The following CNTN5 variants were observed in gnomAD, a reference collection of about 807,000 sequenced individuals.
CNTN5 encodes the protein contactin-5.
Under a neutral mutation model 129.1 loss-of-function variants are expected in CNTN5, and 77 were observed. The observed-to-expected ratio is 0.60, with a 90% confidence interval of 0.50 to 0.72. The LOEUF is 0.72. CNTN5 is among the 30% of genes least tolerant of loss of function. The pLI is 0.00. For missense variants in CNTN5, 1,478 were observed against 1,328.8 expected (o/e 1.11, Z -1.75); for synonymous variants, 509 against 465.6 (o/e 1.09, Z -1.20).
intron 9 of CNTN5, among the ~76,000 whole-genome samples, chr11:100,047,897 C>T (rs1266017282): frequency 2.6e-5 from 4 of 152,110 alleles, no homozygotes; most frequent in African/African-American, 7.2e-5. Flanking sequence ...TTTGGGAGGC[C>T]GAGGCGGGCA....
chr11:99,100,973 T>G (rs1482791680), intron 1 of CNTN5, among the ~76,000 whole-genome samples: 1 of 152,174 alleles, frequency 6.6e-6, no homozygotes, highest in East Asian at 1.9e-4. Context: ...TTCACACTGC[T>G]GATAAAGGCA....
chr11:99,061,443 G>A (rs1005630785), intron 1 of CNTN5, among the ~76,000 whole-genome samples: 5 of 151,906 alleles, frequency 3.3e-5, no homozygotes, highest in African/African-American at 1.2e-4. Context: ...AAGTTTCTGG[G>A]GTGTGCCCTC....
intron 3 of CNTN5, among the ~76,000 whole-genome samples, chr11:99,667,894 C>T (rs1022204087): frequency 2.6e-5 from 4 of 151,902 alleles, no homozygotes; most frequent in African/African-American, 4.8e-5. Context: ...CCATGGCACC[C>T]ATATACCTAT....
intron 3 of CNTN5, among the ~76,000 whole-genome samples, chr11:99,617,790 G>A (rs1369562358): frequency 6.6e-6 from 1 of 152,030 alleles, no homozygotes; most frequent in Non-Finnish European, 1.5e-5. Context: ...AAATGAGTCG[G>A]TAAAATGAAT....
At chr11:99,081,431 T>A (rs1865793590) in intron 1 of CNTN5, among the ~76,000 whole-genome samples, 1 of 152,208 alleles carries the variant, frequency 6.6e-6, no homozygotes, top group Non-Finnish European at 1.5e-5. Context: ...CCTTTCTACA[T>A]TTTCCCAGGA....
intron 1 of CNTN5, among the ~76,000 whole-genome samples, chr11:99,247,716 GT>G: frequency 6.6e-6 from 1 of 151,994 alleles, no homozygotes; most frequent in South Asian, 2.1e-4. Flanking sequence ...GTGGTGTTTG[GT>G]TTTTTGTCCT....
At chr11:100,032,207 C>A (rs1317731104) in intron 9 of CNTN5, among the ~76,000 whole-genome samples, 1 of 152,146 alleles carries the variant, frequency 6.6e-6, no homozygotes, top group African/African-American at 2.4e-5. Flanking sequence ...CTGAGAGTAT[C>A]ACTATGACAG....
rs144200450 is a variant in CNTN5 at position 100,022,674 on chromosome 11, C to T, written c.980+20538C>T. 8.0e-3 allele frequency among the ~76,000 whole-genome samples: 1,221 copies of T among 152,194 alleles called. 8 individuals carry two copies. The highest frequency in any genetic ancestry group is 0.013 in the Non-Finnish European group (881 of 67,974). On this transcript the variant is annotated intron_variant, in intron 9 of 24. Transcript: ENST00000524871. Reference sequence around the variant, plus strand: ...GGTTTAATCTGGCGTTATTTTCTTTCGGCCTGTTCCTCCAACATAATTGTA... The same window carrying T: ...GGTTTAATCTGGCGTTATTTTCTTTTGGCCTGTTCCTCCAACATAATTGTA...
At chr11:99,499,511 C>T (rs1946349581) in intron 2 of CNTN5, among the ~76,000 whole-genome samples, 1 of 152,084 alleles carries the variant, frequency 6.6e-6, no homozygotes, top group South Asian at 2.1e-4. Flanking sequence ...TGGTCTTGTG[C>T]GTCCCGGCCT....
At chr11:99,941,001 G>C (rs534784931) in intron 7 of CNTN5, among the ~76,000 whole-genome samples, 5 of 152,048 alleles carry the variant, frequency 3.3e-5, no homozygotes, top group Non-Finnish European at 7.4e-5. Context: ...TTTGAAAAAG[G>C]TAGGGAAAAA....
rs185440434 is a variant in CNTN5, at chr11:100,059,201, C to T, written c.981-2011C>T. Reference sequence around the variant, plus strand: ...TTATTTAATGATGCTGAAATAATCACTTACATTCCCTATGTCACATCAATA... The same window carrying T: ...TTATTTAATGATGCTGAAATAATCATTTACATTCCCTATGTCACATCAATA... On this transcript the variant is annotated intron_variant, in intron 9 of 24. Coordinates refer to ENST00000524871, the MANE Select transcript of CNTN5 (RefSeq NM_014361.4). Among the ~76,000 whole-genome samples the T allele has an allele frequency of 6.3e-4, 96 of 152,242 alleles. 2 individuals are homozygous for T. Among genetic ancestry groups the T allele is most frequent in the Admixed American group, 3.9e-3 (59 of 15,274 alleles).
At chr11:99,481,387 G>C (rs940546478) in intron 2 of CNTN5, among the ~76,000 whole-genome samples, 6 of 151,970 alleles carry the variant, frequency 3.9e-5, no homozygotes, top group Non-Finnish European at 7.4e-5. Flanking sequence ...TATTTTCTGA[G>C]CCTCTAATAA....
At chr11:99,557,813 G>T (rs1346632864) in intron 3 of CNTN5, among the ~76,000 whole-genome samples, 1 of 151,566 alleles carries the variant, frequency 6.6e-6, no homozygotes, top group African/African-American at 2.4e-5. Flanking sequence ...AATAAATTTA[G>T]TATTTCAGTT....
At chr11:99,791,344 T>C (rs1018273903) in intron 3 of CNTN5, among the ~76,000 whole-genome samples, 2 of 152,126 alleles carry the variant, frequency 1.3e-5, no homozygotes, top group African/African-American at 4.8e-5. Flanking sequence ...AGGGGTCCAG[T>C]TTTGACCTTC....
At chr11:99,480,799 A>G (rs1410877061) in intron 2 of CNTN5, among the ~76,000 whole-genome samples, 1 of 152,102 alleles carries the variant, frequency 6.6e-6, no homozygotes, top group African/African-American at 2.4e-5. Context: ...GCCATGAGGT[A>G]TTTCTGTGGC....
intron 1 of CNTN5, among the ~76,000 whole-genome samples, chr11:99,024,341 TTGAA>T (rs1282082909): frequency 6.6e-6 from 1 of 152,098 alleles, no homozygotes; most frequent in Non-Finnish European, 1.5e-5. Context: ...TTTATTTAAA[TTGAA>T]TGACACAAAA....
intron 1 of CNTN5, among the ~76,000 whole-genome samples, chr11:99,096,251 A>G (rs1050846610): frequency 6.6e-6 from 1 of 151,904 alleles, no homozygotes; most frequent in African/African-American, 2.4e-5. Context: ...AAAATGCCTA[A>G]TTTAGGATAA....
At chr11:100,169,833 T>C (rs1346289052) in intron 13 of CNTN5, among the ~76,000 whole-genome samples, 1 of 152,014 alleles carries the variant, frequency 6.6e-6, no homozygotes, top group Non-Finnish European at 1.5e-5. Context: ...CAAATGTCTA[T>C]GCTCATATCT....
chr11:100,102,641 A>C (rs892300372), intron 13 of CNTN5, among the ~76,000 whole-genome samples: 1 of 152,118 alleles, frequency 6.6e-6, no homozygotes, highest in Non-Finnish European at 1.5e-5. Flanking sequence ...AGAATTTGTT[A>C]AGAATCTGAT....
Sources: allele counts gnomAD v4.1 joint callset (sites outside exome capture counted in the v4.1 genomes callset), GRCh38; gene constraint gnomAD v4.1.1; transcripts MANE v1.5; gene names NCBI Gene and HGNC (gene_info 2026-07-23, HGNC 2026-07-21).